ZNF521: variants seen among roughly 807,000 people sequenced by gnomAD.
ZNF521 encodes zinc finger protein 521.
ZNF521 carries 14 observed loss-of-function variants against 105.5 expected under a neutral mutation model. The ratio of observed to expected loss-of-function variants is 0.13; its 90% CI spans 0.09 to 0.21. The LOEUF is 0.21. Ranked by LOEUF, ZNF521 falls within the 10% of genes least tolerant of loss-of-function variation. The probability of loss-of-function intolerance (pLI) is 1.00; values close to 1 mark genes in which losing one functional copy is unlikely to be tolerated. For missense variants in ZNF521, 1,233 were observed against 1,629.7 expected, an observed-to-expected ratio of 0.76 and a Z score of 4.19; for synonymous variants, 635 against 606.0, an observed-to-expected ratio of 1.05 and a Z score of -0.70.
At chr18:25,199,356 C>A (rs1042501741) in intron 4 of ZNF521, among the ~76,000 whole-genome samples, 1 of 151,386 alleles carries the variant, frequency 6.6e-6, no homozygotes, top group Admixed American at 6.6e-5. Flanking sequence ...ATGTGTGGAT[C>A]CTGATTTGGG....
chr18:25,126,281 A>C (rs1831303011), intron 5 of ZNF521, among the ~76,000 whole-genome samples: 2 of 152,104 alleles, frequency 1.3e-5, no homozygotes, highest in Non-Finnish European at 2.9e-5. Flanking sequence ...CTAACTTTTT[A>C]AGTTGCAAAC....
At chr18:25,172,891 C>T (rs779579823) in intron 5 of ZNF521, among the ~76,000 whole-genome samples, 30 of 152,180 alleles carry the variant, frequency 2.0e-4, no homozygotes, top group Non-Finnish European at 3.5e-4. Context: ...ACCCAATATC[C>T]ACCTGTACAT....
intron 5 of ZNF521, among the ~76,000 whole-genome samples, chr18:25,100,627 G>A (rs1211752973): frequency 2.0e-5 from 3 of 151,772 alleles, no homozygotes; most frequent in Admixed American, 6.6e-5. Flanking sequence ...TTGCAAATGA[G>A]TCACATTTTT....
At chr18:25,130,319 A>G (rs144310075) in intron 5 of ZNF521, among the ~76,000 whole-genome samples, 116 of 152,308 alleles carry the variant, frequency 7.6e-4, no homozygotes, top group African/African-American at 2.5e-3. Context: ...AAATATCAGT[A>G]GTTACTAGGG....
intron 3 of ZNF521, among the ~76,000 whole-genome samples, chr18:25,297,094 T>C (rs1352818089): frequency 6.6e-6 from 1 of 151,092 alleles, no homozygotes; most frequent in South Asian, 2.1e-4. Flanking sequence ...CACACACACA[T>C]ATATATAGAC....
intron 3 of ZNF521, among the ~76,000 whole-genome samples, chr18:25,290,616 T>G (rs1481235825): frequency 6.7e-6 from 1 of 149,060 alleles, no homozygotes; most frequent in African/African-American, 2.5e-5. Context: ...TCTTTTTTTT[T>G]TTTTTTTTTT....
In ZNF521 at chr18:25,350,898, C is replaced by T; in HGVS notation, c.40+9G>A. ...GGGGGAAAGCGGGGAGCAGGGGGTT[C>T]CTCCTTACCTTTGAGGGATCTCGGT... is the stretch of plus-strand genomic sequence containing the variant. On this transcript the variant is annotated intron_variant, in intron 2 of 7. Transcript: ENST00000361524. 6.5e-7 allele frequency: 1 copy of T among 1,550,378 alleles called. No individual in the cohort carries two copies. Among genetic ancestry groups the T allele is most frequent in the South Asian group, 1.2e-5 (1 of 83,994 alleles).
intron 5 of ZNF521, among the ~76,000 whole-genome samples, chr18:25,190,018 G>T (rs1480158969): frequency 6.6e-6 from 1 of 152,174 alleles, no homozygotes; most frequent in East Asian, 1.9e-4. Flanking sequence ...CTCCTGTACA[G>T]ATGGCTATTA....
At chr18:25,307,259 C>T (rs1912034620) in intron 3 of ZNF521, among the ~76,000 whole-genome samples, 1 of 152,200 alleles carries the variant, frequency 6.6e-6, no homozygotes, top group Admixed American at 6.5e-5. Context: ...AAAATAGAAT[C>T]TAATCTGAAT....
chr18:25,187,826 T>C (rs1335497035), intron 5 of ZNF521, among the ~76,000 whole-genome samples: 1 of 152,114 alleles, frequency 6.6e-6, no homozygotes, highest in Non-Finnish European at 1.5e-5. Flanking sequence ...ATCTACAGGG[T>C]CTCCTGAGAC....
At chr18:25,210,680 C>A (rs1031486682) in intron 4 of ZNF521, among the ~76,000 whole-genome samples, 2 of 152,054 alleles carry the variant, frequency 1.3e-5, no homozygotes, top group African/African-American at 4.8e-5. Flanking sequence ...AATTACCAGG[C>A]TTCAATTATT....
chr18:25,095,857 TC>T (rs1388887571), intron 5 of ZNF521, among the ~76,000 whole-genome samples: 1 of 152,188 alleles, frequency 6.6e-6, no homozygotes, highest in Non-Finnish European at 1.5e-5. Flanking sequence ...CATGGAGCTT[TC>T]TGTATGAGCC....
At chr18:25,348,862 C>G (rs1914576354) in intron 2 of ZNF521, among the ~76,000 whole-genome samples, 1 of 152,090 alleles carries the variant, frequency 6.6e-6, no homozygotes, top group Non-Finnish European at 1.5e-5. Flanking sequence ...CAGCGAATAC[C>G]GTCAACTGAC....
intron 3 of ZNF521, among the ~76,000 whole-genome samples, chr18:25,319,514 T>C (rs1053583115): frequency 4.0e-5 from 6 of 151,644 alleles, no homozygotes; most frequent in South Asian, 2.1e-4. Flanking sequence ...GAGAATCGCT[T>C]GAACCCAGGA....
In ZNF521 at chr18:25,227,020, T is replaced by C. The variant is rs755751158; in HGVS notation, c.898A>G (p.Met300Val). 1.8e-5 allele frequency: 29 copies of C among 1,614,018 alleles called. No homozygotes were observed. The highest frequency in any genetic ancestry group is 1.5e-4 in the South Asian group (14 of 91,086). ...FVEETSLMNH[M>V]EQVHSGEKKN... Reference sequence around the variant, plus strand: ...TTCTCCCCGCTATGCACCTGCTCCATGTGGTTCATGAGGGAGGTCTCCTCT... The same window carrying C: ...TTCTCCCCGCTATGCACCTGCTCCACGTGGTTCATGAGGGAGGTCTCCTCT... Residue 300 changes from methionine (M) to valine (V), a missense_variant, in exon 4 of 8, where the codon ATG becomes GTG. By Grantham distance (21) the Met-to-Val change is conservative. Coordinates refer to ENST00000361524, the MANE Select transcript of ZNF521 (RefSeq NM_015461.3). The surrounding 1 kb of genome is among the most constrained non-coding windows in gnomAD (Gnocchi z 5.7).
At chr18:25,223,950 G>C in intron 4 of ZNF521, 1 of 239,750 alleles carries the variant, frequency 4.2e-6, no homozygotes. Flanking sequence ...TTTACTCTAA[G>C]CCAGCATGGT....
chr18:25,125,807 G>C (rs1464568512), intron 5 of ZNF521, among the ~76,000 whole-genome samples: 5 of 151,460 alleles, frequency 3.3e-5, no homozygotes, highest in Admixed American at 3.3e-4. Flanking sequence ...AAACTTGCTT[G>C]CTATCCAGTA....
At chr18:25,102,337 AT>A (rs987139263) in intron 5 of ZNF521, among the ~76,000 whole-genome samples, 2 of 152,026 alleles carry the variant, frequency 1.3e-5, no homozygotes, top group Non-Finnish European at 2.9e-5. Flanking sequence ...ATTTTCAAAG[AT>A]TTTCATGTAA....
intron 2 of ZNF521, among the ~76,000 whole-genome samples, chr18:25,347,377 G>T (rs534606803): frequency 2.0e-5 from 3 of 152,318 alleles, no homozygotes; most frequent in Admixed American, 6.5e-5. Flanking sequence ...TGTCAACTTT[G>T]TATGTGGGCT....
Sources: gnomAD v4.1 joint callset for allele counts (sites outside exome capture counted in the v4.1 genomes callset) on GRCh38, gnomAD v4.1.1 for gene constraint, Gnocchi (gnomAD v3.1) non-coding constraint, MANE v1.5 for transcripts, NCBI Gene and HGNC (gene_info 2026-07-23, HGNC 2026-07-21) for gene names.